DYRK1A: variants seen among roughly 807,000 people sequenced by gnomAD.
DYRK1A encodes dual specificity tyrosine phosphorylation regulated kinase 1A.
In DYRK1A, 9 loss-of-function variants were observed where a neutral mutation model predicts 79.7. The observed-to-expected ratio is 0.11, with a 90% confidence interval of 0.07 to 0.20. The LOEUF is 0.20. Ranked by LOEUF, DYRK1A falls within the 10% of genes least tolerant of loss-of-function variation. The pLI, the probability that DYRK1A is intolerant of heterozygous loss-of-function variation, is 1.00. For synonymous variants in DYRK1A, 349 were observed against 329.7 expected (o/e 1.06, Z -0.63); for missense variants, 622 against 956.0 (o/e 0.65, Z 4.61).
chr21:37,453,085 T>A (rs2051512090), intron 2 of DYRK1A, among the ~76,000 whole-genome samples: 1 of 152,150 alleles, frequency 6.6e-6, no homozygotes, highest in African/African-American at 2.4e-5. Context: ...CACTCCAGCC[T>A]GGGTGACGAG....
chr21:37,493,376 G>A (rs1052266671), intron 8 of DYRK1A, among the ~76,000 whole-genome samples: 1 of 152,200 alleles, frequency 6.6e-6, no homozygotes, highest in African/African-American at 2.4e-5. Context: ...ATCTACTCAT[G>A]AAGGAGAACA....
At chr21:37,396,528 G>GTTT (rs57982192) in intron 1 of DYRK1A, among the ~76,000 whole-genome samples, 2 of 146,036 alleles carry the variant, frequency 1.4e-5, no homozygotes, top group Non-Finnish European at 1.5e-5. Flanking sequence ...AAGTTTTTTT[G>GTTT]TTTTTTTTTT....
chr21:37,506,268 C>G, intron 11 of DYRK1A, 45 bp downstream of exon 11: 1 of 1,613,790 alleles, frequency 6.2e-7, no homozygotes, highest in Non-Finnish European at 8.5e-7. Flanking sequence ...CTGCCATTCT[C>G]AGGTGGAGCA....
intron 1 of DYRK1A, among the ~76,000 whole-genome samples, chr21:37,399,297 T>C (rs2050013021): frequency 6.6e-6 from 1 of 152,174 alleles, no homozygotes; most frequent in African/African-American, 2.4e-5. Flanking sequence ...TCTTCCTCCT[T>C]TTTCAGCACA....
At chr21:37,479,458 T>C (rs577534604) in intron 4 of DYRK1A, among the ~76,000 whole-genome samples, 2 of 151,532 alleles carry the variant, frequency 1.3e-5, no homozygotes, top group African/African-American at 4.9e-5. Flanking sequence ...CGTTATAAAG[T>C]AGACTTTTTC....
chr21:37,427,296 C>T (rs2050653489), intron 2 of DYRK1A, among the ~76,000 whole-genome samples: 1 of 152,082 alleles, frequency 6.6e-6, no homozygotes. Flanking sequence ...ATTTTTATTT[C>T]TGTAGAGATG....
At chr21:37,443,799 G>A (rs1353827173) in intron 2 of DYRK1A, among the ~76,000 whole-genome samples, 3 of 152,092 alleles carry the variant, frequency 2.0e-5, no homozygotes, top group Non-Finnish European at 4.4e-5. Flanking sequence ...GTCTTCCTGT[G>A]TGTGTGTCTG....
intron 1 of DYRK1A, among the ~76,000 whole-genome samples, chr21:37,405,669 A>G (rs1394847268): frequency 6.6e-6 from 1 of 152,234 alleles, no homozygotes; most frequent in Non-Finnish European, 1.5e-5. Flanking sequence ...TATTTCTGAC[A>G]GTCCTCCTTC....
At position 37,515,842 on chromosome 21, in the gene DYRK1A, A is replaced by AG. The variant is rs1298775516; in HGVS notation, c.*3311_*3312insG. 6.6e-6 allele frequency: 1 copy of AG among 151,620 alleles called. No homozygotes were observed. Among genetic ancestry groups the AG allele is most frequent in the African/African-American group, 2.4e-5 (1 of 41,242 alleles). The allele number at this position is 151,620 out of a possible 1,614,324, so 9.4% of individuals were successfully genotyped here. A position where few individuals can be genotyped will look rare whatever the true frequency, so the allele number is the denominator to read the frequency against. ...ATGGATATTGGGCTGAAAAAAAAAA[A>AG]CCGACATTTTTATTTAAAACTACAT... On this transcript the variant is annotated 3_prime_UTR_variant, in exon 12 of 12. Coordinates refer to ENST00000647188, the MANE Select transcript of DYRK1A (RefSeq NM_001347721.2).
At chr21:37,403,726 G>C (rs1195913814) in intron 1 of DYRK1A, among the ~76,000 whole-genome samples, 2 of 147,534 alleles carry the variant, frequency 1.4e-5, no homozygotes, top group African/African-American at 2.5e-5. Flanking sequence ...TGAACTCCTT[G>C]CCTCAAGCCA....
intron 1 of DYRK1A, among the ~76,000 whole-genome samples, chr21:37,402,510 T>C (rs2050071900): frequency 6.6e-6 from 1 of 152,222 alleles, no homozygotes; most frequent in Non-Finnish European, 1.5e-5. Context: ...ACCAGTCTTT[T>C]CTTCTGGCTG....
chr21:37,512,348 C>T lies in DYRK1A; in HGVS notation c.2082C>T (p.Thr694=), dbSNP rs750035013. The T allele has an allele frequency of 2.4e-5, 39 of 1,614,086 alleles. No individual in the cohort carries two copies. Among genetic ancestry groups the T allele is most frequent in the Non-Finnish European group, 3.1e-5 (37 of 1,180,048 alleles). ...ATGGAGCTATGGACGTTAATTTGAC[C>T]GTCTACTCCAATCCCCGCCAAGAGA... The part of the protein sequence containing the change: ...GQNGAMDVNL[T]VYSNPRQETG... Residue 694 remains threonine, a synonymous_variant, in exon 12 of 12, where the codon ACC becomes ACT. Transcript: ENST00000647188.
chr21:37,492,984 A>G (rs368113289), intron 7 of DYRK1A, 33 bp from the exon 8 acceptor site: 1 of 1,541,220 alleles, frequency 6.5e-7, no homozygotes, highest in Non-Finnish European at 8.9e-7. Context: ...GTTTTAAGCA[A>G]TTGAAGTAAT....
At chr21:37,482,223 G>C (rs1288349923) in intron 5 of DYRK1A, among the ~76,000 whole-genome samples, 1 of 139,780 alleles carries the variant, frequency 7.2e-6, no homozygotes, top group African/African-American at 2.5e-5. Flanking sequence ...AAAGTGTTCT[G>C]TATTATCGGG....
chr21:37,425,573 T>G (rs2050595629), intron 2 of DYRK1A: 1 of 152,194 alleles, frequency 6.6e-6, no homozygotes, highest in Non-Finnish European at 1.5e-5. Context: ...AGAAAATACA[T>G]TTATATTCAT....
Position 37,413,609 on chromosome 21 carries a change from TATAC to T in DYRK1A, c.-76-6686_-76-6683del, listed in dbSNP as rs564467378. ...ATAGATACTCCTTTGTTAGGGAATA[TATAC>T]ATAAATGAGATTACCCTAGATGTTC... On this transcript the variant is annotated intron_variant, in intron 1 of 11. Coordinates refer to ENST00000647188, the MANE Select transcript of DYRK1A (RefSeq NM_001347721.2). 3.3e-4 allele frequency among the ~76,000 whole-genome samples: 50 copies of T among 152,298 alleles called. No individual in the cohort carries two copies. The East Asian group carries it at 8.9e-3, about 27-fold the overall frequency.
chr21:37,520,457 T>G lies in DYRK1A; in HGVS notation c.*7926T>G, dbSNP rs558283084. On this transcript the variant is annotated 3_prime_UTR_variant, in exon 12 of 12. Transcript: ENST00000647188. Reference sequence around the variant, plus strand: ...ATTCTGTTGACTTTGTTGATAATATTAGGTGACTACATCGAGCCTGGGTTC... The same window carrying G: ...ATTCTGTTGACTTTGTTGATAATATGAGGTGACTACATCGAGCCTGGGTTC... The G allele has an allele frequency of 1.7e-4, 26 of 152,356 alleles. No homozygotes were observed. Among genetic ancestry groups the G allele is most frequent in the African/African-American group, 4.8e-4 (20 of 41,594 alleles). 9.4% of individuals were successfully genotyped at this position (152,356 alleles called of 1,614,324 possible). A position where few individuals can be genotyped will look rare whatever the true frequency, so the allele number is the denominator to read the frequency against.
Position 37,505,712 on chromosome 21 carries a change from C to A in DYRK1A, c.1519+123C>A, listed in dbSNP as rs560223774. The A allele has an allele frequency of 8.2e-6, 9 of 1,093,994 alleles. No homozygotes were observed. The East Asian group carries it at 2.3e-4, about 28-fold the overall frequency. The allele number at this position is 1,093,994 out of a possible 1,614,324, so 67.8% of individuals were successfully genotyped here. ...TGGGGAGCAGTTACTTTACTTAAATCTGTTCTTTGTAGTTAGTAGTAAATT... is the reference window on the plus strand; with the variant it reads ...TGGGGAGCAGTTACTTTACTTAAATATGTTCTTTGTAGTTAGTAGTAAATT... On this transcript the variant is annotated intron_variant, in intron 10 of 11. Coordinates refer to ENST00000647188, the MANE Select transcript of DYRK1A (RefSeq NM_001347721.2).
rs76037294 is a variant in DYRK1A, at chr21:37,376,191, A to G, written c.-77+8563A>G. Among the ~76,000 whole-genome samples the G allele has an allele frequency of 5.4e-3, 826 of 152,300 alleles. 20 individuals carry two copies. In the East Asian group the frequency reaches 0.086, roughly 16 times the overall value. ...TGGAAAGGAGGGAAGAACACAGTCC[A>G]TGTGCCCTTTACTGAGAAAAATGAA... On this transcript the variant is annotated intron_variant, in intron 1 of 11. Transcript: ENST00000647188.
Sources: gnomAD v4.1 joint callset for allele counts (sites outside exome capture counted in the v4.1 genomes callset) on GRCh38, gnomAD v4.1.1 for gene constraint, MANE v1.5 for transcripts, NCBI Gene and HGNC (gene_info 2026-07-23, HGNC 2026-07-21) for gene names.